WWOX: variants seen among roughly 807,000 people sequenced by gnomAD.
The protein encoded by WWOX is WW domain-containing oxidoreductase.
In WWOX, 69 loss-of-function variants were observed where a neutral mutation model predicts 46.2. The ratio of observed to expected loss-of-function variants is 1.49; its 90% CI spans 1.23 to 1.82. WWOX has a LOEUF of 1.82. Among genes scored for constraint, WWOX ranks in the 40% most tolerant of loss-of-function variants. The pLI, the probability that WWOX is intolerant of heterozygous loss-of-function variation, is 0.00. For synonymous variants in WWOX, 359 were observed against 202.6 expected (o/e 1.77, Z -6.56); for missense variants, 919 against 542.6 (o/e 1.69, Z -6.89).
intron 8 of WWOX, among the ~76,000 whole-genome samples, chr16:78,726,071 T>TTCCCTCCGTCCCTCTTCCTCCCTCCC (rs2048824686): frequency 1.3e-4 from 13 of 96,560 alleles, no homozygotes. Context: ...CCTGCTTCCC[T>TTCCCTCCGTCCCTCTTCCTCCCTCCC]TCCCTCCCTC....
At chr16:78,235,767 A>G (rs1250035587) in intron 5 of WWOX, among the ~76,000 whole-genome samples, 1 of 152,080 alleles carries the variant, frequency 6.6e-6, no homozygotes, top group Non-Finnish European at 1.5e-5. Context: ...TCCAGACTAG[A>G]TGGTCAAGGT....
At chr16:79,008,811 C>T (rs769142174) in intron 8 of WWOX, among the ~76,000 whole-genome samples, 13 of 152,312 alleles carry the variant, frequency 8.5e-5, no homozygotes, top group Non-Finnish European at 1.9e-4. Context: ...GCCCCACAAA[C>T]GTGCACCTGC....
chr16:79,030,772 C>T (rs937892386), intron 8 of WWOX, among the ~76,000 whole-genome samples: 1 of 152,168 alleles, frequency 6.6e-6, no homozygotes, highest in East Asian at 1.9e-4. Flanking sequence ...GGTGTAAATG[C>T]AGACTGATAT....
chr16:79,034,396 A>C lies in WWOX; in HGVS notation c.1057-177212A>C, dbSNP rs1467608207. ...AATTGTATGCAAAGCATCAGAATGC[A>C]AAAGGTGTTTTCTCCAAGGTGTATA... On this transcript the variant is annotated intron_variant, in intron 8 of 8. Coordinates refer to ENST00000566780, the MANE Select transcript of WWOX (RefSeq NM_016373.4). Among the ~76,000 whole-genome samples, 5 of 152,362 alleles carry C rather than the reference A, an allele frequency of 3.3e-5. No homozygotes were observed. The South Asian group carries it at 1.0e-3, about 32-fold the overall frequency.
intron 7 of WWOX, among the ~76,000 whole-genome samples, chr16:78,427,801 TA>T (rs551264093): frequency 6.7e-5 from 10 of 149,854 alleles, no homozygotes; most frequent in Admixed American, 1.3e-4. Flanking sequence ...AAAAATTGTT[TA>T]AAAAAAATGC....
intron 8 of WWOX, among the ~76,000 whole-genome samples, chr16:78,672,331 A>C (rs1449001592): frequency 1.3e-5 from 2 of 152,210 alleles, no homozygotes; most frequent in African/African-American, 2.4e-5. Context: ...CTCAAGGCGG[A>C]AGTGCTTGTT....
At chr16:79,126,931 T>G (rs1368160784) in intron 8 of WWOX, among the ~76,000 whole-genome samples, 1 of 152,064 alleles carries the variant, frequency 6.6e-6, no homozygotes, top group Non-Finnish European at 1.5e-5. Context: ...GAGTGGGAAG[T>G]AATTTATGTA....
chr16:78,639,233 C>T (rs2046646077), intron 8 of WWOX, among the ~76,000 whole-genome samples: 1 of 152,136 alleles, frequency 6.6e-6, no homozygotes, highest in Non-Finnish European at 1.5e-5. Flanking sequence ...CCTGTAGGCC[C>T]AGGCATCAAT....
intron 8 of WWOX, among the ~76,000 whole-genome samples, chr16:78,762,000 A>G (rs772266136): frequency 2.0e-5 from 3 of 152,214 alleles, no homozygotes; most frequent in Non-Finnish European, 4.4e-5. Flanking sequence ...TGAATCAACA[A>G]GTAAATATCA....
At chr16:79,041,920 C>G (rs1017992300) in intron 8 of WWOX, among the ~76,000 whole-genome samples, 4 of 152,028 alleles carry the variant, frequency 2.6e-5, no homozygotes, top group Middle Eastern at 3.2e-3. Flanking sequence ...ACTGCTTTCT[C>G]CTCTCTAAGA....
At chr16:79,151,827 T>G (rs2050285434) in intron 8 of WWOX, among the ~76,000 whole-genome samples, 1 of 152,202 alleles carries the variant, frequency 6.6e-6, no homozygotes, top group Admixed American at 6.5e-5. Context: ...AGCCCCAGTG[T>G]TGAAGTTTTG....
chr16:78,438,750 C>T (rs747478782), intron 8 of WWOX, among the ~76,000 whole-genome samples: 4 of 152,134 alleles, frequency 2.6e-5, no homozygotes, highest in Admixed American at 6.5e-5. Context: ...GATCGGGTTA[C>T]GTTTCCTGTG....
chr16:78,638,258 T>A (rs1002464511), intron 8 of WWOX, among the ~76,000 whole-genome samples: 2 of 152,160 alleles, frequency 1.3e-5, no homozygotes, highest in South Asian at 2.1e-4. Flanking sequence ...ATGGCCCAAG[T>A]TTCCTAAGTG....
At chr16:78,613,492 C>T (rs183500913) in intron 8 of WWOX, among the ~76,000 whole-genome samples, 1 of 152,218 alleles carries the variant, frequency 6.6e-6, no homozygotes, top group Non-Finnish European at 1.5e-5. Context: ...GTTTCCTCTC[C>T]CCCTTACAAG....
chr16:78,632,992 G>C (rs2046473294), intron 8 of WWOX, among the ~76,000 whole-genome samples: 1 of 152,154 alleles, frequency 6.6e-6, no homozygotes, highest in East Asian at 1.9e-4. Flanking sequence ...GCCAGGCATG[G>C]TGGCTCATGC....
At chr16:78,833,999 G>T (rs187728645) in intron 8 of WWOX, among the ~76,000 whole-genome samples, 13 of 151,928 alleles carry the variant, frequency 8.6e-5, no homozygotes. Context: ...TAAGCATTTG[G>T]AACATTTCAG....
At chr16:79,010,727 G>T (rs2056479351) in intron 8 of WWOX, among the ~76,000 whole-genome samples, 1 of 151,848 alleles carries the variant, frequency 6.6e-6, no homozygotes, top group Non-Finnish European at 1.5e-5. Flanking sequence ...TGGGTACCAA[G>T]GGGTAGAGAT....
chr16:78,255,956 C>T (rs1167372256), intron 5 of WWOX, among the ~76,000 whole-genome samples: 1 of 151,818 alleles, frequency 6.6e-6, no homozygotes, highest in Non-Finnish European at 1.5e-5. Flanking sequence ...TTGAGACCAG[C>T]CTGGCCAACA....
At chr16:78,923,083 G>A (rs1475211791) in intron 8 of WWOX, among the ~76,000 whole-genome samples, 1 of 151,328 alleles carries the variant, frequency 6.6e-6, no homozygotes, top group Non-Finnish European at 1.5e-5. Flanking sequence ...TTGGGTTCAA[G>A]TGATTCTCCT....
Sources: allele counts gnomAD v4.1 joint callset (sites outside exome capture counted in the v4.1 genomes callset), GRCh38; gene constraint gnomAD v4.1.1; transcripts MANE v1.5; gene names NCBI Gene and HGNC (gene_info 2026-07-23, HGNC 2026-07-21).